Variants in EFCAB11 observed in about 807,000 individuals in gnomAD.
EFCAB11 encodes EF-hand calcium binding domain 11, also known as EF-hand calcium-binding domain-containing protein 11.
EFCAB11 carries 14 observed loss-of-function variants against 23.0 expected under a neutral mutation model. That is an observed-to-expected ratio of 0.61 (90% CI 0.40 to 0.95). The LOEUF (loss-of-function observed/expected upper bound fraction) is 0.95, where lower values mean the gene tolerates loss of function less well. EFCAB11 is among the 40% of genes least tolerant of loss of function. EFCAB11 has a pLI of 0.00. For missense variants in EFCAB11, 198 were observed against 195.8 expected (o/e 1.01, Z -0.07); for synonymous variants, 65 against 66.6 (o/e 0.98, Z 0.11).
chr14:89,824,194 T>C (rs1447850095), intron 5 of EFCAB11, among the ~76,000 whole-genome samples: 1 of 152,092 alleles, frequency 6.6e-6, no homozygotes, highest in African/African-American at 2.4e-5. Flanking sequence ...AAGACATACT[T>C]GTTCAGAGAA....
At chr14:89,885,039 A>G (rs902964244) in intron 5 of EFCAB11, among the ~76,000 whole-genome samples, 1 of 152,224 alleles carries the variant, frequency 6.6e-6, no homozygotes, top group Non-Finnish European at 1.5e-5. Context: ...TCTGTTGTTT[A>G]AGCCACCCAG....
chr14:89,834,207 T>C (rs1195898541), intron 5 of EFCAB11, among the ~76,000 whole-genome samples: 1 of 149,584 alleles, frequency 6.7e-6, no homozygotes, highest in Non-Finnish European at 1.5e-5. Flanking sequence ...AAACTCCGTC[T>C]CTACTAAAAA....
chr14:89,802,209 A>T (rs1483257955), intron 5 of EFCAB11, among the ~76,000 whole-genome samples: 1 of 2,636 alleles, frequency 3.8e-4, no homozygotes, highest in African/African-American at 0.012. Flanking sequence ...AAGTTACTTA[A>T]AAAAAAAAAA....
intron 5 of EFCAB11, among the ~76,000 whole-genome samples, chr14:89,876,932 G>A (rs560194134): frequency 3.9e-5 from 6 of 152,216 alleles, no homozygotes; most frequent in African/African-American, 4.8e-5. Flanking sequence ...ATGAGCCCAC[G>A]GACTATCCAC....
intron 5 of EFCAB11, among the ~76,000 whole-genome samples, chr14:89,886,704 C>A (rs906688166): frequency 6.6e-6 from 1 of 151,978 alleles, no homozygotes; most frequent in South Asian, 2.1e-4. Context: ...ATTCTCCATA[C>A]TTTTCTATGT....
At chr14:89,827,179 A>G (rs775503099) in intron 5 of EFCAB11, among the ~76,000 whole-genome samples, 1 of 152,230 alleles carries the variant, frequency 6.6e-6, no homozygotes, top group Non-Finnish European at 1.5e-5. Context: ...TACCATCCTC[A>G]GGGCTGAAGA....
At chr14:89,897,713 A>T (rs1253440004) in intron 5 of EFCAB11, among the ~76,000 whole-genome samples, 1 of 152,234 alleles carries the variant, frequency 6.6e-6, no homozygotes, top group African/African-American at 2.4e-5. Context: ...AATTATGTTT[A>T]AAAAATTAAC....
chr14:89,937,972 C>T (rs1890649650), intron 3 of EFCAB11: 1 of 151,956 alleles, frequency 6.6e-6, no homozygotes, highest in Non-Finnish European at 1.5e-5. Context: ...AATCATCTTT[C>T]ACCACAGGGG....
chr14:89,892,921 G>A (rs1774773832), intron 5 of EFCAB11, among the ~76,000 whole-genome samples: 1 of 151,996 alleles, frequency 6.6e-6, no homozygotes, highest in Non-Finnish European at 1.5e-5. Context: ...GAAAAGAAAA[G>A]AAAAGAAAGG....
At chr14:89,947,148 A>G (rs1272861195) in intron 3 of EFCAB11, among the ~76,000 whole-genome samples, 4 of 152,164 alleles carry the variant, frequency 2.6e-5, no homozygotes, top group Non-Finnish European at 4.4e-5. Context: ...AATGTTAACA[A>G]TGTCAATCTG....
chr14:89,909,653 G>A (rs1889607974), intron 5 of EFCAB11, among the ~76,000 whole-genome samples: 1 of 151,876 alleles, frequency 6.6e-6, no homozygotes, highest in Non-Finnish European at 1.5e-5. Flanking sequence ...CGGTATCTCA[G>A]GATAAAGTCT....
chr14:89,861,758 A>T (rs1481723664), intron 5 of EFCAB11, among the ~76,000 whole-genome samples: 1 of 152,162 alleles, frequency 6.6e-6, no homozygotes, highest in African/African-American at 2.4e-5. Context: ...ACCTGAGCTG[A>T]CATACATGCT....
chr14:89,898,993 T>G (rs928014718), intron 5 of EFCAB11, among the ~76,000 whole-genome samples: 1 of 152,156 alleles, frequency 6.6e-6, no homozygotes, highest in Non-Finnish European at 1.5e-5. Context: ...CTTTTATAAG[T>G]ATCATCATAT....
intron 5 of EFCAB11, among the ~76,000 whole-genome samples, chr14:89,909,788 C>T (rs866763530): frequency 3.9e-5 from 6 of 152,144 alleles, no homozygotes; most frequent in Admixed American, 1.3e-4. Context: ...GCTAACTATG[C>T]GTAACAACTC....
chr14:89,930,039 G>T (rs1445621644), intron 5 of EFCAB11, among the ~76,000 whole-genome samples: 5 of 152,112 alleles, frequency 3.3e-5, no homozygotes, highest in Admixed American at 6.5e-5. Flanking sequence ...GAAGTATATT[G>T]ATATTCACTA....
At chr14:89,819,266 T>C (rs1886430240) in intron 5 of EFCAB11, among the ~76,000 whole-genome samples, 1 of 152,110 alleles carries the variant, frequency 6.6e-6, no homozygotes, top group South Asian at 2.1e-4. Flanking sequence ...ACATATTATA[T>C]GATTCCATTT....
chr14:89,905,343 G>C (rs888931665), intron 5 of EFCAB11, among the ~76,000 whole-genome samples: 1 of 152,154 alleles, frequency 6.6e-6, no homozygotes, highest in African/African-American at 2.4e-5. Context: ...ACATGTTAGG[G>C]AGAGATCTAG....
chr14:89,931,812 A>G lies in EFCAB11; in HGVS notation c.320-181T>C, dbSNP rs56101778. ...CTCATCGGAATAATTTAAGATTCTA[A>G]TAATACTTTCCTTCAGTGCAGTCCC... is the stretch of plus-strand genomic sequence containing the variant. On this transcript the variant is annotated intron_variant, in intron 4 of 5. Coordinates refer to ENST00000316738, the MANE Select transcript of EFCAB11 (RefSeq NM_145231.4). Among the ~76,000 whole-genome samples, 353 of 152,328 alleles carry G rather than the reference A, an allele frequency of 2.3e-3. 3 individuals are homozygous for G. The highest frequency in any genetic ancestry group is 7.8e-3 in the African/African-American group (326 of 41,564).
chr14:89,814,938 C>T (rs1329549182), intron 5 of EFCAB11, among the ~76,000 whole-genome samples: 1 of 152,148 alleles, frequency 6.6e-6, no homozygotes, highest in Non-Finnish European at 1.5e-5. Context: ...AATACACTGC[C>T]AACTCAAAGC....
Sources: allele counts gnomAD v4.1 joint callset (sites outside exome capture counted in the v4.1 genomes callset), GRCh38; gene constraint gnomAD v4.1.1; transcripts MANE v1.5; gene names NCBI Gene and HGNC (gene_info 2026-07-23, HGNC 2026-07-21).